The following FMNL2 variants were observed in gnomAD, a reference collection of about 807,000 sequenced individuals.
FMNL2 encodes the protein formin-like protein 2.
FMNL2 carries 51 observed loss-of-function variants against 130.2 expected under a neutral mutation model. That is an observed-to-expected ratio of 0.39 (90% CI 0.31 to 0.49). The LOEUF (loss-of-function observed/expected upper bound fraction) is 0.49, where lower values mean the gene tolerates loss of function less well. Among genes scored for constraint, FMNL2 ranks in the 20% least tolerant of loss-of-function variants. The pLI is 0.85. For synonymous variants in FMNL2, 465 were observed against 467.1 expected (o/e 1.00, Z 0.06); for missense variants, 977 against 1,316.2 (o/e 0.74, Z 3.99).
intron 1 of FMNL2, chr2:152,390,217 T>A: frequency 6.9e-7 from 1 of 1,448,634 alleles, no homozygotes; most frequent in Non-Finnish European, 9.7e-7. Flanking sequence ...AACTTCCGGC[T>A]GAAAGGGAAG....
rs2346532 is a variant in FMNL2 at position 152,625,429 on chromosome 2, T to C, written c.1838-9T>C. ...GGGATCTTAATTCCATTCTCTTTGA[T>C]GTCTTTAGCTGTGAAAATTAAGAAG... On this transcript the variant is annotated splice_polypyrimidine_tract_variant and intron_variant, in intron 15 of 25. Transcript: ENST00000288670. The C allele has an allele frequency of 1, 1,596,458 of 1,597,046 alleles. 797,938 individuals are homozygous for C. The highest frequency in any genetic ancestry group is 1 in the East Asian group (44,678 of 44,678).
At chr2:152,635,660 C>T (rs759484418) in intron 21 of FMNL2, among the ~76,000 whole-genome samples, 16 of 152,184 alleles carry the variant, frequency 1.1e-4, no homozygotes, top group Non-Finnish European at 1.9e-4. Flanking sequence ...GGCAAGGGGG[C>T]CCAGAGCTGG....
At chr2:152,432,015 T>C (rs761356804) in intron 1 of FMNL2, among the ~76,000 whole-genome samples, 6 of 149,292 alleles carry the variant, frequency 4.0e-5, no homozygotes, top group Non-Finnish European at 8.9e-5. Flanking sequence ...TGAGAAGGAT[T>C]CTGAAGATTT....
intron 2 of FMNL2, among the ~76,000 whole-genome samples, chr2:152,533,983 A>G (rs1437929353): frequency 6.6e-6 from 1 of 152,198 alleles, no homozygotes; most frequent in Non-Finnish European, 1.5e-5. Flanking sequence ...TTTATGTTAT[A>G]TCATCGTACT....
At chr2:152,535,703 A>G (rs1045806535) in intron 2 of FMNL2, among the ~76,000 whole-genome samples, 3 of 152,346 alleles carry the variant, frequency 2.0e-5, no homozygotes, top group African/African-American at 4.8e-5. Context: ...TTTTCATCCA[A>G]TAATGACCAC....
Position 152,615,007 on chromosome 2 carries a change from A to G in FMNL2, c.1212+7A>G, listed in dbSNP as rs773109453. 3 of 1,606,188 alleles carry G rather than the reference A, an allele frequency of 1.9e-6. No individual in the cohort carries two copies. Among genetic ancestry groups the G allele is most frequent in the Non-Finnish European group, 2.5e-6 (3 of 1,178,166 alleles). Reference sequence around the variant, plus strand: ...GGAAGAAAACATTTCTCATGTAACTATATCTCAGAAAAGGAAAAATTGCTT... The same window carrying G: ...GGAAGAAAACATTTCTCATGTAACTGTATCTCAGAAAAGGAAAAATTGCTT... On this transcript the variant is annotated splice_region_variant and intron_variant, in intron 12 of 25. Coordinates refer to ENST00000288670, the MANE Select transcript of FMNL2 (RefSeq NM_052905.4).
At chr2:152,418,653 A>G (rs1686745975) in intron 1 of FMNL2, among the ~76,000 whole-genome samples, 1 of 152,238 alleles carries the variant, frequency 6.6e-6, no homozygotes, top group Non-Finnish European at 1.5e-5. Context: ...TTAAGGCTGA[A>G]CAGTAATACT....
rs138034971 is a variant in FMNL2 at position 152,382,454 on chromosome 2, A to G, written c.117+46734A>G. Among the ~76,000 whole-genome samples, 408 of 152,316 alleles carry G rather than the reference A, an allele frequency of 2.7e-3. 1 individual carries two copies. Among genetic ancestry groups the G allele is most frequent in the Middle Eastern group, 0.01 (3 of 294 alleles). ...GTGTGGGAGGTCTTTTCTAATTTTC[A>G]GTGCTTCCTGGTGAGAAAAGCAGAT... On this transcript the variant is annotated intron_variant, in intron 1 of 25. Transcript: ENST00000288670.
intron 1 of FMNL2, among the ~76,000 whole-genome samples, chr2:152,368,560 A>G (rs1452403620): frequency 6.6e-6 from 1 of 152,110 alleles, no homozygotes; most frequent in Non-Finnish European, 1.5e-5. Flanking sequence ...GAAGGATGGA[A>G]TAAGTTGACC....
chr2:152,459,311 T>A (rs1032104467), intron 1 of FMNL2, among the ~76,000 whole-genome samples: 4 of 152,198 alleles, frequency 2.6e-5, no homozygotes, highest in Non-Finnish European at 4.4e-5. Context: ...ATTTTTGGAA[T>A]GAGGTCTTTC....
chr2:152,464,758 C>G (rs184432839), intron 1 of FMNL2, among the ~76,000 whole-genome samples: 11 of 152,268 alleles, frequency 7.2e-5, no homozygotes, highest in South Asian at 4.1e-4. Context: ...CTCAGAGCCT[C>G]CCTGGGAATG....
intron 9 of FMNL2, among the ~76,000 whole-genome samples, chr2:152,605,104 T>A (rs75978853): frequency 0.012 from 1,854 of 151,734 alleles, 43 homozygotes; most frequent in African/African-American, 0.042. Flanking sequence ...GAACTTGCTG[T>A]AGATTGTCTA....
intron 5 of FMNL2, among the ~76,000 whole-genome samples, chr2:152,560,144 A>G (rs1382816050): frequency 6.6e-6 from 1 of 151,924 alleles, no homozygotes; most frequent in Non-Finnish European, 1.5e-5. Flanking sequence ...TATGGATAGA[A>G]ACAATTAATA....
chr2:152,601,454 C>T (rs372237646), intron 9 of FMNL2, among the ~76,000 whole-genome samples: 140 of 151,754 alleles, frequency 9.2e-4, no homozygotes, highest in African/African-American at 3.2e-3. Context: ...GCGCCTGCCA[C>T]GACGCCCAGC....
intron 1 of FMNL2, among the ~76,000 whole-genome samples, chr2:152,464,847 A>G (rs76978351): frequency 1.1e-3 from 161 of 152,276 alleles, no homozygotes; most frequent in African/African-American, 3.7e-3. Context: ...TGCTTAGCGA[A>G]GTGGAGGGTT....
chr2:152,476,442 A>T (rs192904122), intron 1 of FMNL2, among the ~76,000 whole-genome samples: 7 of 152,300 alleles, frequency 4.6e-5, no homozygotes, highest in African/African-American at 2.4e-5. Flanking sequence ...AGGCCAAGGT[A>T]GGAGGATCTC....
chr2:152,508,983 G>A (rs1692336206), intron 1 of FMNL2, among the ~76,000 whole-genome samples: 1 of 152,204 alleles, frequency 6.6e-6, no homozygotes, highest in South Asian at 2.1e-4. Flanking sequence ...AAATGTAGGT[G>A]TGCGCCCACC....
intron 1 of FMNL2, among the ~76,000 whole-genome samples, chr2:152,342,321 G>A (rs765515253): frequency 2.0e-5 from 3 of 152,168 alleles, no homozygotes; most frequent in African/African-American, 7.2e-5. Flanking sequence ...GCAAGAGGAC[G>A]CTGTAACTGG....
At chr2:152,598,806 A>G (rs1045588638) in intron 9 of FMNL2, among the ~76,000 whole-genome samples, 4 of 152,236 alleles carry the variant, frequency 2.6e-5, no homozygotes, top group African/African-American at 9.6e-5. Flanking sequence ...CAGGACATCT[A>G]TAGATATATC....
Sources: gnomAD v4.1 joint callset for allele counts (sites outside exome capture counted in the v4.1 genomes callset) on GRCh38, gnomAD v4.1.1 for gene constraint, MANE v1.5 for transcripts, NCBI Gene and HGNC (gene_info 2026-07-23, HGNC 2026-07-21) for gene names.